The following ATG12 variants were observed in gnomAD, a reference collection of about 807,000 sequenced individuals.
ATG12 encodes ubiquitin-like protein ATG12.
A neutral mutation model predicts 17.6 loss-of-function variants in ATG12; 19 were observed. That is an observed-to-expected ratio of 1.08 (90% confidence interval 0.75 to 1.58). ATG12 has a LOEUF of 1.58. Among genes scored for constraint, ATG12 ranks in the 40% most tolerant of loss-of-function variants. The probability of loss-of-function intolerance (pLI) is 0.00; values close to 1 mark genes in which losing one functional copy is unlikely to be tolerated. For missense variants in ATG12, 214 were observed against 162.0 expected (o/e 1.32, Z -1.74); for synonymous variants, 75 against 62.4 (o/e 1.20, Z -0.95).
At chr5:115,840,564 C>T (rs1245215169) in intron 1 of ATG12, 2 of 1,262,040 alleles carry the variant, frequency 1.6e-6, no homozygotes, top group Non-Finnish European at 2.1e-6. Flanking sequence ...TACCAAAGTG[C>T]TGGGATTACA....
intron 2 of ATG12, among the ~76,000 whole-genome samples, chr5:115,836,363 C>T (rs1761099177): frequency 6.6e-6 from 1 of 152,180 alleles, no homozygotes; most frequent in Non-Finnish European, 1.5e-5. Flanking sequence ...TATTTCTAAA[C>T]TAATGCATTA....
At chr5:115,841,355 C>T in intron 1 of ATG12, 35 bp downstream of exon 1, 2 of 1,609,124 alleles carry the variant, frequency 1.2e-6, no homozygotes, top group Non-Finnish European at 1.7e-6. Flanking sequence ...CAATCTGAAC[C>T]TCCCGCCTCT....
At chr5:115,834,423 G>T (rs1224092429) in intron 2 of ATG12, 1 of 152,192 alleles carries the variant, frequency 6.6e-6, no homozygotes. Flanking sequence ...TTACTTTAAA[G>T]TACATGTAGT....
intron 2 of ATG12, among the ~76,000 whole-genome samples, chr5:115,837,182 A>G (rs745921141): frequency 1.3e-5 from 2 of 152,226 alleles, no homozygotes; most frequent in Non-Finnish European, 2.9e-5. Context: ...TTGTAAAACA[A>G]ATCTAAAACA....
In ATG12 at chr5:115,828,285, A is replaced by G. The variant is rs1760718607; in HGVS notation, c.*3519T>C. The G allele has an allele frequency of 6.6e-6, 1 of 152,198 alleles. No individual in the cohort carries two copies. Among genetic ancestry groups the G allele is most frequent in the South Asian group, 2.1e-4 (1 of 4,836 alleles). 9.4% of individuals were successfully genotyped at this position (152,198 alleles called of 1,614,324 possible). On this transcript the variant is annotated 3_prime_UTR_variant, in exon 4 of 4. Transcript: ENST00000509910. Reference sequence around the variant, plus strand: ...TATGTGAATGACAGGTTATACGAACAAACTGAAGTTTATACTTACGTTTCA... The same window carrying G: ...TATGTGAATGACAGGTTATACGAACGAACTGAAGTTTATACTTACGTTTCA...
chr5:115,833,715 G>C (rs948651249), intron 2 of ATG12: 1 of 152,098 alleles, frequency 6.6e-6, no homozygotes. Context: ...TCAATTTGTG[G>C]TTATGGCTGA....
chr5:115,834,285 A>T (rs1170085984), intron 2 of ATG12: 1 of 152,208 alleles, frequency 6.6e-6, no homozygotes, highest in Non-Finnish European at 1.5e-5. Flanking sequence ...TGGAAATTTT[A>T]AAAAAGCAAT....
chr5:115,828,737 T>C lies in ATG12; in HGVS notation c.*3067A>G, dbSNP rs914995858. 1.3e-5 allele frequency: 2 copies of C among 152,204 alleles called. No homozygotes were observed. The highest frequency in any genetic ancestry group is 2.4e-5 in the African/African-American group (1 of 41,466). The allele number at this position is 152,204 out of a possible 1,614,324, so 9.4% of individuals were successfully genotyped here. Reference sequence around the variant, plus strand: ...AATTTCATTCACTCGATGTGTTACATTACTAATTATTTACATATAAGGAAA... The same window carrying C: ...AATTTCATTCACTCGATGTGTTACACTACTAATTATTTACATATAAGGAAA... On this transcript the variant is annotated 3_prime_UTR_variant, in exon 4 of 4. Coordinates refer to ENST00000509910, the MANE Select transcript of ATG12 (RefSeq NM_004707.4).
chr5:115,841,474 G>A lies in ATG12; in HGVS notation c.79C>T (p.Pro27Ser), dbSNP rs781110486. 2.5e-6 allele frequency: 4 copies of A among 1,611,260 alleles called. No homozygotes were observed. In the African/African-American group the frequency reaches 5.4e-5, roughly 22 times the overall value. Reference sequence around the variant, plus strand: ...GGGGGCTCCGGGGTGGTTGTTTCTGGGGAGACATCCGTAAGTCCTTCCCCT... The same window carrying A: ...GGGGGCTCCGGGGTGGTTGTTTCTGAGGAGACATCCGTAAGTCCTTCCCCT... ...AGGEGLTDVS[P>S]ETTTPEPPSS... Residue 27 changes from proline to serine, a missense_variant, in exon 1 of 4, where the codon CCA becomes TCA. Physicochemically the swap from Pro to Ser is moderately conservative, Grantham distance 74. Coordinates refer to ENST00000509910, the MANE Select transcript of ATG12 (RefSeq NM_004707.4).
At chr5:115,837,578 T>G (rs1167616740) in intron 2 of ATG12, 50 bp downstream of exon 2, 2 of 1,598,116 alleles carry the variant, frequency 1.3e-6, no homozygotes, top group Non-Finnish European at 1.7e-6. Context: ...CACTGTTGCC[T>G]AGGAACTACT....
chr5:115,833,599 C>T (rs1049952905), intron 2 of ATG12: 1 of 152,074 alleles, frequency 6.6e-6, no homozygotes, highest in Non-Finnish European at 1.5e-5. Context: ...CCTCTTGGGT[C>T]TGTTAGGAAA....
At chr5:115,835,901 G>T (rs1364867870) in intron 2 of ATG12, among the ~76,000 whole-genome samples, 1 of 151,908 alleles carries the variant, frequency 6.6e-6, no homozygotes, top group Non-Finnish European at 1.5e-5. Context: ...ACCTAGTTTT[G>T]TTACAAATAC....
chr5:115,832,718 C>G, intron 2 of ATG12, 54 bp from the exon 3 acceptor site: 1 of 1,407,898 alleles, frequency 7.1e-7, no homozygotes, highest in Non-Finnish European at 9.4e-7. Flanking sequence ...GATTAATCTG[C>G]ATTTTTCTGC....
intron 2 of ATG12, chr5:115,834,463 T>C (rs1230391407): frequency 6.6e-6 from 1 of 152,248 alleles, no homozygotes; most frequent in African/African-American, 2.4e-5. Context: ...TAAAATTCCA[T>C]GGAAGTATTA....
At chr5:115,835,588 C>CTGGGT (rs1761060792) in intron 2 of ATG12, among the ~76,000 whole-genome samples, 2 of 151,960 alleles carry the variant, frequency 1.3e-5, no homozygotes, top group Non-Finnish European at 2.9e-5. Flanking sequence ...GTCCCAGAGC[C>CTGGGT]CTCCTGGGTC....
Position 115,830,324 on chromosome 5 carries a change from C to T in ATG12, c.*1480G>A, listed in dbSNP as rs1465138381. The T allele has an allele frequency of 6.6e-6, 1 of 151,946 alleles. No individual in the cohort carries two copies. Among genetic ancestry groups the T allele is most frequent in the East Asian group, 1.9e-4 (1 of 5,194 alleles). 9.4% of individuals were successfully genotyped at this position (151,946 alleles called of 1,614,324 possible). On this transcript the variant is annotated 3_prime_UTR_variant, in exon 4 of 4. Coordinates refer to ENST00000509910, the MANE Select transcript of ATG12 (RefSeq NM_004707.4). ...TTTTTTGAGGTCTATCATCTGAACC[C>T]TCAGTGGCAAACAATACGAAAATTC...
intron 1 of ATG12, chr5:115,840,807 A>T (rs1761384462): frequency 8.2e-7 from 1 of 1,216,470 alleles, no homozygotes; most frequent in South Asian, 1.4e-5. Flanking sequence ...TCAAGCAATG[A>T]AATAACTCAC....
chr5:115,837,220 C>T (rs1761140795), intron 2 of ATG12, among the ~76,000 whole-genome samples: 1 of 152,104 alleles, frequency 6.6e-6, no homozygotes, highest in African/African-American at 2.4e-5. Context: ...CCAGAGAATC[C>T]TTTGATAAAG....
chr5:115,831,732 T>G lies in ATG12; in HGVS notation c.*72A>C. The stretch of plus-strand genomic sequence containing the variant: ...TCTGTTAAGTCTCTTGCCACAAGCA[T>G]CAAAACTTTTCAGAGCTGTCTCTTC... On this transcript the variant is annotated 3_prime_UTR_variant, in exon 4 of 4. Transcript: ENST00000509910. 1.4e-6 allele frequency: 2 copies of G among 1,442,226 alleles called. No homozygotes were observed. Among genetic ancestry groups the G allele is most frequent in the South Asian group, 2.4e-5 (2 of 84,086 alleles). The allele number at this position is 1,442,226 out of a possible 1,614,324, so 89.3% of individuals were successfully genotyped here.
Sources: allele counts gnomAD v4.1 joint callset (sites outside exome capture counted in the v4.1 genomes callset), GRCh38; gene constraint gnomAD v4.1.1; transcripts MANE v1.5; gene names NCBI Gene and HGNC (gene_info 2026-07-23, HGNC 2026-07-21).